The following REPS2 variants were observed in gnomAD, a reference collection of about 807,000 sequenced individuals.
The protein encoded by REPS2 is ralBP1-associated Eps domain-containing protein 2.
Under a neutral mutation model 53.6 loss-of-function variants are expected in REPS2, and 23 were observed. The observed-to-expected ratio is 0.43, with a 90% CI of 0.31 to 0.61. The LOEUF is 0.61. Ranked by LOEUF, REPS2 falls within the 20% of genes least tolerant of loss-of-function variation. REPS2 has a pLI of 0.11. For synonymous variants in REPS2, 238 were observed against 218.6 expected (o/e 1.09, Z -0.78); for missense variants, 446 against 534.9 (o/e 0.83, Z 1.64).
chrX:16,974,721 A>T (rs749664391), intron 1 of REPS2, among the ~76,000 whole-genome samples: 15 of 111,176 alleles, frequency 1.3e-4, no homozygotes, highest in Admixed American at 1.9e-4. Flanking sequence ...ATGCATTTTT[A>T]AAAAAACTTT....
intron 11 of REPS2, among the ~76,000 whole-genome samples, chrX:17,073,418 C>T (rs1328951508): frequency 8.9e-6 from 1 of 112,257 alleles, no homozygotes; most frequent in East Asian, 2.8e-4. Flanking sequence ...TTTCTAATTA[C>T]TCCTCACAAC....
chrX:16,961,643 G>A (rs1330426373), intron 1 of REPS2, among the ~76,000 whole-genome samples: 1 of 111,708 alleles, frequency 9.0e-6, no homozygotes, highest in Non-Finnish European at 1.9e-5. Flanking sequence ...GAAACAGGTG[G>A]TACTACATCA....
intron 1 of REPS2, among the ~76,000 whole-genome samples, chrX:16,951,118 A>T (rs1373944492): frequency 8.9e-6 from 1 of 112,185 alleles, no homozygotes; most frequent in Non-Finnish European, 1.9e-5. Flanking sequence ...CTTACCACAC[A>T]CTATGCCTTC....
Position 16,946,891 on chromosome X carries a change from G to A in REPS2, c.30G>A (p.Ala10=), listed in dbSNP as rs1387015634. The A allele has an allele frequency of 1.3e-6, 1 of 772,985 alleles. No individual in the cohort carries two copies. The highest frequency in any genetic ancestry group is 1.5e-6 in the Non-Finnish European group (1 of 653,885). 63.7% of individuals were successfully genotyped at this position (772,985 alleles called of 1,213,427 possible). The part of the protein sequence containing the change: MEAAAAAAA[A]AAAAAAAGGG... ...AGGCGGCAGCGGCGGCGGCGGCGGC[G>A]GCAGCGGCAGCGGCAGCGGCGGGCG... Residue 10 remains alanine (A), a synonymous_variant, in exon 1 of 18, where the codon GCG becomes GCA. Transcript: ENST00000357277.
the REPS2 span, among the ~76,000 whole-genome samples, chrX:17,176,825 G>A: frequency 8.9e-6 from 1 of 112,320 alleles, no homozygotes; most frequent in Admixed American, 9.4e-5. Context: ...CCTTCTGCTG[G>A]CCCTTCAGAG....
chrX:17,027,879 A>G (rs763858473), intron 4 of REPS2, among the ~76,000 whole-genome samples: 1 of 110,764 alleles, frequency 9.0e-6, no homozygotes, highest in East Asian at 2.8e-4. Context: ...CAGACAATTG[A>G]TGGCCTGAAT....
intron 1 of REPS2, among the ~76,000 whole-genome samples, chrX:16,962,231 A>G (rs982579524): frequency 9.2e-6 from 1 of 108,171 alleles, no homozygotes; most frequent in African/African-American, 3.4e-5. Context: ...TATGGAAACA[A>G]TTTAAGTGAC....
chrX:17,169,183 A>C, the REPS2 span, among the ~76,000 whole-genome samples: 39 of 112,356 alleles, frequency 3.5e-4, no homozygotes, highest in African/African-American at 1.2e-3. Context: ...AGCTAAGCTC[A>C]GTGCAAATTG....
chrX:16,992,051 G>A (rs1462634808), intron 1 of REPS2, among the ~76,000 whole-genome samples: 1 of 111,578 alleles, frequency 9.0e-6, no homozygotes, highest in Admixed American at 9.5e-5. Flanking sequence ...CTATGCTTTT[G>A]ATATTATTTT....
At chrX:17,111,187 G>GT (rs924362757) in intron 14 of REPS2, among the ~76,000 whole-genome samples, 15 of 111,525 alleles carry the variant, frequency 1.3e-4, no homozygotes, top group African/African-American at 2.3e-4. Flanking sequence ...AAAATTGCAT[G>GT]TTTTTTTTAT....
intron 7 of REPS2, among the ~76,000 whole-genome samples, chrX:17,054,497 C>G (rs2062040783): frequency 8.9e-6 from 1 of 112,375 alleles, no homozygotes; most frequent in South Asian, 3.7e-4. Context: ...TGACTGTGGA[C>G]TTCTGGGTAT....
At chrX:16,962,541 C>G (rs944905390) in intron 1 of REPS2, among the ~76,000 whole-genome samples, 4 of 111,251 alleles carry the variant, frequency 3.6e-5, no homozygotes, top group African/African-American at 1.3e-4. Flanking sequence ...CAATGTAGGT[C>G]AAAGTGTACA....
At chrX:17,133,045 G>A (rs977931119) in intron 14 of REPS2, among the ~76,000 whole-genome samples, 11 of 112,398 alleles carry the variant, frequency 9.8e-5, no homozygotes, top group African/African-American at 3.2e-4. Context: ...CATCCCCAGC[G>A]CCTTCAACTT....
At chrX:17,164,571 G>T in the REPS2 span, among the ~76,000 whole-genome samples, 1 of 111,965 alleles carries the variant, frequency 8.9e-6, no homozygotes, top group Non-Finnish European at 1.9e-5. Context: ...TTGCCTAACA[G>T]CAGAGTCCTA....
At position 16,948,141 on chromosome X, in the gene REPS2, A is replaced by G. The variant is rs186958159; in HGVS notation, c.273+1007A>G. Among the ~76,000 whole-genome samples, 77 of 112,341 alleles carry G rather than the reference A, an allele frequency of 6.9e-4. 1 individual carries two copies. The highest frequency in any genetic ancestry group is 2.4e-3 in the African/African-American group (73 of 30,934). On this transcript the variant is annotated intron_variant, in intron 1 of 17. Coordinates refer to ENST00000357277, the MANE Select transcript of REPS2 (RefSeq NM_004726.3). ...AGTGGCGAGTGGTATTTTAAAATCT[A>G]GTTTCAAAGGAGAACTGAGGGTTTT...
At chrX:17,169,385 A>G in the REPS2 span, among the ~76,000 whole-genome samples, 16 of 111,939 alleles carry the variant, frequency 1.4e-4, no homozygotes, top group Non-Finnish European at 2.6e-4. Flanking sequence ...CAGTAGGTAA[A>G]GAAGCACTGT....
chrX:16,968,645 G>A (rs2060819813), intron 1 of REPS2, among the ~76,000 whole-genome samples: 2 of 103,407 alleles, frequency 1.9e-5, no homozygotes, highest in African/African-American at 3.5e-5. Context: ...CCGGGCGGGG[G>A]GCTGACCCCC....
intron 5 of REPS2, among the ~76,000 whole-genome samples, chrX:17,046,032 A>C (rs770498463): frequency 2.7e-5 from 3 of 110,382 alleles, no homozygotes; most frequent in Non-Finnish European, 5.7e-5. Flanking sequence ...CCGCCCAATG[A>C]TTAATTCCCT....
At position 16,946,742 on chromosome X, in the gene REPS2, G is replaced by C; in HGVS notation, c.-120G>C. 3 of 728,060 alleles carry C rather than the reference G, an allele frequency of 4.1e-6. No homozygotes were observed. The South Asian group carries it at 2.0e-4, about 49-fold the overall frequency. The allele number at this position is 728,060 out of a possible 1,213,427, so 60.0% of individuals were successfully genotyped here. On this transcript the variant is annotated 5_prime_UTR_variant, in exon 1 of 18. Coordinates refer to ENST00000357277, the MANE Select transcript of REPS2 (RefSeq NM_004726.3). ...TGCGGGGCGTGGGGGTGGTGGTGGCGGCGGCGGTGGTGGCGGCGGCGGCGG... is the reference window on the plus strand; with the variant it reads ...TGCGGGGCGTGGGGGTGGTGGTGGCCGCGGCGGTGGTGGCGGCGGCGGCGG...
Sources: gnomAD v4.1 joint callset for allele counts (sites outside exome capture counted in the v4.1 genomes callset) on GRCh38, gnomAD v4.1.1 for gene constraint, MANE v1.5 for transcripts, NCBI Gene and HGNC (gene_info 2026-07-23, HGNC 2026-07-21) for gene names.